PDZD4: variants seen among roughly 807,000 people sequenced by gnomAD.
PDZD4 encodes PDZ domain containing 4.
In PDZD4, 9 loss-of-function variants were observed where a neutral mutation model predicts 38.5. That is an observed-to-expected ratio of 0.23 (90% CI 0.14 to 0.41). The LOEUF (loss-of-function observed/expected upper bound fraction) is 0.41. Among genes scored for constraint, PDZD4 ranks in the 10% least tolerant of loss-of-function variants. The pLI, the probability that PDZD4 is intolerant of heterozygous loss-of-function variation, is 1.00. For missense variants in PDZD4, 612 were observed against 722.0 expected, an observed-to-expected ratio of 0.85 and a Z score of 1.75; for synonymous variants, 349 against 315.7, an observed-to-expected ratio of 1.11 and a Z score of -1.12.
At position 153,821,372 on chromosome X, in the gene PDZD4, G is replaced by A. The variant is rs781996632; in HGVS notation, c.60+8867C>T. On this transcript the variant is annotated intron_variant, in intron 1 of 7. Transcript: ENST00000393758. ...AAGTTATGTCCTGTAAAGCCCTCAC[G>A]TAGGCAACGACTCCTGGATGTTCTG... Among the ~76,000 whole-genome samples, 9 of 110,532 alleles carry A rather than the reference G, an allele frequency of 8.1e-5. 1 individual carries two copies. The highest frequency in any genetic ancestry group is 3.0e-4 in the African/African-American group (9 of 30,353).
At chrX:153,829,956 C>T in intron 1 of PDZD4, 1 of 806,901 alleles carries the variant, frequency 1.2e-6, no homozygotes, top group Non-Finnish European at 1.6e-6. Context: ...GTGCGGGGAA[C>T]TGCGCTCGTT....
intron 2 of PDZD4, 90 bp from the exon 3 acceptor site, chrX:153,807,459 G>A: frequency 2.2e-6 from 2 of 928,665 alleles, no homozygotes; most frequent in Non-Finnish European, 3.0e-6. Flanking sequence ...AGCGTGCCTG[G>A]CACGGAGGCC....
chrX:153,807,210 G>A lies in PDZD4; in HGVS notation c.405+69C>T, dbSNP rs1470996563. ...AGGGCCACGGGGTTGGGCCTGGGCAGGAAGGCACACAGGCGTCGGGGCGGC... is the reference window on the plus strand; with the variant it reads ...AGGGCCACGGGGTTGGGCCTGGGCAAGAAGGCACACAGGCGTCGGGGCGGC... On this transcript the variant is annotated intron_variant, in intron 3 of 7. Transcript: ENST00000393758. 3 of 1,092,763 alleles carry A rather than the reference G, an allele frequency of 2.7e-6. No homozygotes were observed. The African/African-American group carries it at 5.4e-5, about 20-fold the overall frequency. The allele number at this position is 1,092,763 out of a possible 1,213,427, so 90.1% of individuals were successfully genotyped here. A position where few individuals can be genotyped will look rare whatever the true frequency, so the allele number is the denominator to read the frequency against.
chrX:153,821,115 C>T (rs2064418664), intron 1 of PDZD4, among the ~76,000 whole-genome samples: 1 of 112,037 alleles, frequency 8.9e-6, no homozygotes, highest in Non-Finnish European at 1.9e-5. Context: ...TGGCTGCCCA[C>T]GCCCCCAACT....
In PDZD4 at chrX:153,803,232, GTGCGTGCGC is replaced by G; in HGVS notation, c.*112_*120del. On this transcript the variant is annotated 3_prime_UTR_variant, in exon 8 of 8. Coordinates refer to ENST00000393758, the MANE Select transcript of PDZD4 (RefSeq NM_001303512.2). ...TGCGCACACCCAGACGAGGAGATGT[GTGCGTGCGC>G]ACAGCGAGCACGCGCGCGCGCACAC... The G allele has an allele frequency of 2.1e-6, 1 of 474,186 alleles. No individual in the cohort carries two copies. The allele number at this position is 474,186 out of a possible 1,213,427, so 39.1% of individuals were successfully genotyped here.
intron 2 of PDZD4, among the ~76,000 whole-genome samples, chrX:153,807,651 C>T (rs903113064): frequency 1.4e-4 from 16 of 113,217 alleles, no homozygotes; most frequent in African/African-American, 4.5e-4. Flanking sequence ...CCTCCAACCA[C>T]GCCAGCTGGC....
chrX:153,814,473 A>ACCCCCCCCCCCCCCC (rs782572040), intron 1 of PDZD4, among the ~76,000 whole-genome samples: 3 of 40,361 alleles, frequency 7.4e-5, no homozygotes, highest in Non-Finnish European at 1.3e-4. Context: ...GACTCCATCC[A>ACCCCCCCCCCCCCCC]CCCCCCACCC....
intron 1 of PDZD4, among the ~76,000 whole-genome samples, chrX:153,819,122 G>T (rs2064393915): frequency 8.9e-6 from 1 of 112,766 alleles, no homozygotes; most frequent in African/African-American, 3.2e-5. Flanking sequence ...ACGGCGGCGG[G>T]GTGGCTGCGG....
chrX:153,808,715 G>A, intron 1 of PDZD4, 120 bp from the exon 2 acceptor site: 1 of 849,575 alleles, frequency 1.2e-6, no homozygotes, highest in Non-Finnish European at 1.6e-6. Context: ...AGCCACTCAA[G>A]CAAGGAATCT....
At chrX:153,823,939 G>C (rs1239096784) in intron 1 of PDZD4, among the ~76,000 whole-genome samples, 11 of 112,337 alleles carry the variant, frequency 9.8e-5, no homozygotes, top group African/African-American at 3.6e-4. Flanking sequence ...GGAAGGAAAG[G>C]ACACCTTTCT....
chrX:153,823,841 C>T (rs1448713956), intron 1 of PDZD4, among the ~76,000 whole-genome samples: 1 of 112,606 alleles, frequency 8.9e-6, no homozygotes, highest in African/African-American at 3.2e-5. Context: ...AGCGACTTGC[C>T]CCTGGCCACA....
chrX:153,807,146 C>A, intron 3 of PDZD4, 133 bp downstream of exon 3: 1 of 622,545 alleles, frequency 1.6e-6, no homozygotes. Flanking sequence ...CACGTAACCT[C>A]ACCCGCACCC....
chrX:153,815,937 T>C (rs781977543), intron 1 of PDZD4, among the ~76,000 whole-genome samples: 20 of 98,797 alleles, frequency 2.0e-4, no homozygotes, highest in African/African-American at 6.4e-4. Context: ...GGCCGAGCTG[T>C]GGCCCCTGAT....
At chrX:153,814,074 C>G in intron 1 of PDZD4, among the ~76,000 whole-genome samples, 1 of 111,334 alleles carries the variant, frequency 9.0e-6, no homozygotes, top group Non-Finnish European at 1.9e-5. Flanking sequence ...GTTGCCCAGG[C>G]TAGTCTCGAA....
Position 153,803,168 on chromosome X carries a change from C to G in PDZD4, c.*185G>C. On this transcript the variant is annotated 3_prime_UTR_variant, in exon 8 of 8. Transcript: ENST00000393758. ...CTTGGGCAGAAGGAAGAAAAGCGTC[C>G]CTTCTCCTCAGGGGCTTCTCTCTGC... is the stretch of plus-strand genomic sequence containing the variant. 1 of 320,508 alleles carries G rather than the reference C, an allele frequency of 3.1e-6. No homozygotes were observed. The allele number at this position is 320,508 out of a possible 1,213,427, so 26.4% of individuals were successfully genotyped here.
chrX:153,825,347 G>A (rs1390885585), intron 1 of PDZD4, among the ~76,000 whole-genome samples: 2 of 111,980 alleles, frequency 1.8e-5, no homozygotes, highest in African/African-American at 6.5e-5. Flanking sequence ...TGTCAGAGAG[G>A]GGGTGCCAAG....
At chrX:153,817,693 A>G (rs1156719010) in intron 1 of PDZD4, among the ~76,000 whole-genome samples, 2 of 112,495 alleles carry the variant, frequency 1.8e-5, no homozygotes, top group African/African-American at 3.2e-5. Flanking sequence ...TCTTACCACA[A>G]GAAAACATAA....
At chrX:153,808,163 C>A in intron 2 of PDZD4, 179 bp downstream of exon 2, 8 of 1,074,102 alleles carry the variant, frequency 7.4e-6, no homozygotes, top group Non-Finnish European at 8.4e-6. Flanking sequence ...CAACGGGGCG[C>A]CTGCTGGAGC....
intron 5 of PDZD4, 144 bp from the exon 6 acceptor site, chrX:153,805,750 G>C: frequency 2.0e-6 from 1 of 504,024 alleles, no homozygotes; most frequent in Non-Finnish European, 3.4e-6. Context: ...TAAGTGGAAG[G>C]TACCAGGGAG....
Sources: gnomAD v4.1 joint callset for allele counts (sites outside exome capture counted in the v4.1 genomes callset) on GRCh38, gnomAD v4.1.1 for gene constraint, MANE v1.5 for transcripts, NCBI Gene and HGNC (gene_info 2026-07-23, HGNC 2026-07-21) for gene names.